TGM4: variants seen among roughly 807,000 people sequenced by gnomAD.
TGM4 encodes the protein protein-glutamine gamma-glutamyltransferase 4.
TGM4 carries 61 observed loss-of-function variants against 76.3 expected under a neutral mutation model. The observed-to-expected ratio is 0.80, with a 90% CI of 0.65 to 0.99. The LOEUF (loss-of-function observed/expected upper bound fraction) is 0.99, where lower values mean the gene tolerates loss of function less well. TGM4 is among the 50% of genes least tolerant of loss of function. TGM4 has a pLI of 0.00. For missense variants in TGM4, 794 were observed against 843.2 expected, an observed-to-expected ratio of 0.94 and a Z score of 0.72; for synonymous variants, 337 against 329.8, an observed-to-expected ratio of 1.02 and a Z score of -0.24.
In TGM4 at chr3:44,901,182, G is replaced by A. The variant is rs144554924; in HGVS notation, c.658-342G>A. ...CTGAGCCCAGGAAGTTGAGGCTGCA[G>A]TGAGCCGAGCTCACACCACTGTACT... On this transcript the variant is annotated intron_variant, in intron 6 of 13. Coordinates refer to ENST00000296125, the MANE Select transcript of TGM4 (RefSeq NM_003241.4). Among the ~76,000 whole-genome samples, 792 of 152,324 alleles carry A rather than the reference G, an allele frequency of 5.2e-3. 6 individuals are homozygous for A. Among genetic ancestry groups the A allele is most frequent in the Non-Finnish European group, 7.6e-3 (516 of 68,026 alleles).
At chr3:44,907,649 A>G (rs1329063279) in intron 10 of TGM4, among the ~76,000 whole-genome samples, 1 of 152,110 alleles carries the variant, frequency 6.6e-6, no homozygotes, top group East Asian at 1.9e-4. Flanking sequence ...CCTGAGCTTA[A>G]GTTCATCCCC....
chr3:44,899,270 G>T (rs1340601605), intron 6 of TGM4: 1 of 152,266 alleles, frequency 6.6e-6, no homozygotes, highest in Admixed American at 6.6e-5. Flanking sequence ...GGGGCAGTTC[G>T]CCAAAGGCTG....
chr3:44,905,474 A>T (rs1248242861), intron 9 of TGM4, among the ~76,000 whole-genome samples: 1 of 152,166 alleles, frequency 6.6e-6, no homozygotes, highest in Non-Finnish European at 1.5e-5. Context: ...TCTAGGAATA[A>T]GTCTTAGTTT....
At chr3:44,890,429 T>C (rs1699675747) in intron 3 of TGM4, 174 bp from the exon 4 acceptor site, 1 of 816,512 alleles carries the variant, frequency 1.2e-6, no homozygotes. Context: ...GTCTCATGCA[T>C]CCTGCCCTTG....
chr3:44,904,981 C>CTTTA (rs967419149), intron 9 of TGM4, among the ~76,000 whole-genome samples: 5 of 150,786 alleles, frequency 3.3e-5, no homozygotes, highest in African/African-American at 7.3e-5. Flanking sequence ...TGTGCCTGGC[C>CTTTA]TTTATTTATT....
intron 13 of TGM4, among the ~76,000 whole-genome samples, chr3:44,912,194 G>A (rs964019265): frequency 6.6e-6 from 1 of 152,206 alleles, no homozygotes; most frequent in Non-Finnish European, 1.5e-5. Context: ...AAATTTTAAT[G>A]TAGTCAAATT....
At chr3:44,881,440 G>A (rs920383201) in intron 1 of TGM4, among the ~76,000 whole-genome samples, 1 of 152,210 alleles carries the variant, frequency 6.6e-6, no homozygotes, top group Admixed American at 6.5e-5. Flanking sequence ...ATTTATTACA[G>A]TTATGGAGGC....
At chr3:44,904,171 A>G (rs1209375551) in intron 9 of TGM4, among the ~76,000 whole-genome samples, 184 bp downstream of exon 9, 1 of 152,224 alleles carries the variant, frequency 6.6e-6, no homozygotes, top group African/African-American at 2.4e-5. Flanking sequence ...TTTGCTGGCT[A>G]TTTTTATGAA....
chr3:44,887,060 C>T (rs923201149), intron 2 of TGM4, among the ~76,000 whole-genome samples: 2 of 152,202 alleles, frequency 1.3e-5, no homozygotes, highest in Non-Finnish European at 2.9e-5. Context: ...GAGGAGACAA[C>T]ACTTGTGTCA....
At chr3:44,876,147 G>A (rs1264972185) in intron 1 of TGM4, among the ~76,000 whole-genome samples, 3 of 152,242 alleles carry the variant, frequency 2.0e-5, no homozygotes, top group Non-Finnish European at 4.4e-5. Context: ...GGGTGGCAGA[G>A]CTGGGACACA....
At position 44,901,602 on chromosome 3, in the gene TGM4, T is replaced by G. The variant is rs779415024; in HGVS notation, c.736T>G (p.Trp246Gly). The G allele has an allele frequency of 5.0e-6, 8 of 1,613,980 alleles. No individual in the cohort carries two copies. The highest frequency in any genetic ancestry group is 6.8e-6 in the Non-Finnish European group (8 of 1,180,012). Reference sequence around the variant, plus strand: ...CGAAGGTGGCACAGCCCCATACAAGTGGACAGGCAGTGCCCCGATCCTGCA... The same window carrying G: ...CGAAGGTGGCACAGCCCCATACAAGGGGACAGGCAGTGCCCCGATCCTGCA... The part of the protein sequence containing the change: ...DYEGGTAPYK[W>G]TGSAPILQQY... Residue 246 changes from tryptophan to glycine, a missense_variant, in exon 7 of 14, where the codon TGG becomes GGG. Coordinates refer to ENST00000296125, the MANE Select transcript of TGM4 (RefSeq NM_003241.4).
Position 44,914,946 on chromosome 3 carries a change from T to C in TGM4, c.*1221T>C, listed in dbSNP as rs1700067967. On this transcript the variant is annotated 3_prime_UTR_variant, in exon 14 of 14. Coordinates refer to ENST00000296125, the MANE Select transcript of TGM4 (RefSeq NM_003241.4). ...GTCACCCTTGCCCAAGTTGCCCACA[T>C]CCCTGGCATACAGTAGGTGTTCAAT... The C allele has an allele frequency of 6.6e-6, 1 of 152,146 alleles. No homozygotes were observed. Among genetic ancestry groups the C allele is most frequent in the Non-Finnish European group, 1.5e-5 (1 of 68,032 alleles). The allele number at this position is 152,146 out of a possible 1,614,324, so 9.4% of individuals were successfully genotyped here. A position where few individuals can be genotyped will look rare whatever the true frequency, so the allele number is the denominator to read the frequency against.
chr3:44,901,279 T>C (rs1995638), intron 6 of TGM4, among the ~76,000 whole-genome samples: 74,203 of 152,032 alleles, frequency 0.49, 18,660 homozygotes, highest in East Asian at 0.81. Flanking sequence ...GGTGTTGTAA[T>C]GATCATCATT....
At chr3:44,898,214 G>A (rs1306374812) in intron 6 of TGM4, among the ~76,000 whole-genome samples, 3 of 148,992 alleles carry the variant, frequency 2.0e-5, no homozygotes, top group East Asian at 2.0e-4. Flanking sequence ...CCGAGAGGCA[G>A]AGGTTGCAGT....
At chr3:44,884,148 C>A (rs962889362) in intron 1 of TGM4, among the ~76,000 whole-genome samples, 24 of 152,200 alleles carry the variant, frequency 1.6e-4, no homozygotes, top group Non-Finnish European at 8.8e-5. Context: ...CCTCTGCACA[C>A]TCGAATTGCC....
At chr3:44,874,746 T>C (rs1216831663) in intron 1 of TGM4, 49 bp downstream of exon 1, 1 of 1,613,622 alleles carries the variant, frequency 6.2e-7, no homozygotes. Flanking sequence ...TTCAGCCAGC[T>C]GGCCCTAAAC....
rs545668195 is a variant in TGM4, at chr3:44,879,044, C to T, written c.19+4347C>T. ...TGTTTCCAGTCTATTTTCTAGTTCA[C>T]TGATTCTCTTTCAGTTATGTCTATT... On this transcript the variant is annotated intron_variant, in intron 1 of 13. Coordinates refer to ENST00000296125, the MANE Select transcript of TGM4 (RefSeq NM_003241.4). Among the ~76,000 whole-genome samples the T allele has an allele frequency of 5.3e-5, 8 of 152,068 alleles. No homozygotes were observed. The South Asian group carries it at 1.5e-3, about 28-fold the overall frequency.
In TGM4 at chr3:44,896,803, C is replaced by T. The variant is rs1699785092; in HGVS notation, c.644C>T (p.Ala215Val). ...AGGGACCCCGTGCTGGTGTGCAGGG[C>T]CATGTGTGCTATGGTAGGTATGGAA... Reference protein sequence around the residue: ...DRRDPVLVCRAMCAMMSFEKG... With the variant: ...DRRDPVLVCRVMCAMMSFEKG... Residue 215 changes from alanine to valine, a missense_variant, in exon 6 of 14, where the codon GCC becomes GTC. By Grantham distance (64) the Ala-to-Val change is moderately conservative. Coordinates refer to ENST00000296125, the MANE Select transcript of TGM4 (RefSeq NM_003241.4). The T allele has an allele frequency of 1.9e-6, 3 of 1,614,038 alleles. No individual in the cohort carries two copies. The highest frequency in any genetic ancestry group is 2.5e-6 in the Non-Finnish European group (3 of 1,179,936).
chr3:44,874,907 G>A (rs76543169), intron 1 of TGM4, among the ~76,000 whole-genome samples: 3,125 of 152,252 alleles, frequency 0.021, 51 homozygotes, highest in Middle Eastern at 0.065. Context: ...AAGATTGCAA[G>A]AATAAAAAGA....
Sources: allele counts gnomAD v4.1 joint callset (sites outside exome capture counted in the v4.1 genomes callset), GRCh38; gene constraint gnomAD v4.1.1; transcripts MANE v1.5; gene names NCBI Gene and HGNC (gene_info 2026-07-23, HGNC 2026-07-21).